The following ACTN4 variants were observed in gnomAD, a reference collection of about 807,000 sequenced individuals.
ACTN4 encodes the protein alpha-actinin-4.
Under a neutral mutation model 114.2 loss-of-function variants are expected in ACTN4, and 18 were observed. The ratio of observed to expected loss-of-function variants is 0.16; its 90% CI spans 0.11 to 0.23. The LOEUF is 0.23. ACTN4 is among the 10% of genes least tolerant of loss of function. The probability of loss-of-function intolerance (pLI) is 1.00; values close to 1 mark genes in which losing one functional copy is unlikely to be tolerated. For synonymous variants in ACTN4, 515 were observed against 506.3 expected (o/e 1.02, Z -0.23); for missense variants, 722 against 1,262.9 (o/e 0.57, Z 6.49).
intron 1 of ACTN4, among the ~76,000 whole-genome samples, chr19:38,665,165 C>G (rs1483572289): frequency 6.6e-6 from 1 of 152,166 alleles, no homozygotes; most frequent in East Asian, 1.9e-4. Flanking sequence ...ATCCCCCACT[C>G]CCCACTGCCC....
At chr19:38,658,313 ACTT>A (rs1172534497) in intron 1 of ACTN4, among the ~76,000 whole-genome samples, 1 of 152,144 alleles carries the variant, frequency 6.6e-6, no homozygotes, top group African/African-American at 2.4e-5. Context: ...CAGCTATGTG[ACTT>A]CTTAATAATA....
rs534944781 is a variant in ACTN4, at chr19:38,720,360, A to T, written c.1292-1178A>T. Among the ~76,000 whole-genome samples, 5 of 152,332 alleles carry T rather than the reference A, an allele frequency of 3.3e-5. No homozygotes were observed. The East Asian group carries it at 9.7e-4, about 29-fold the overall frequency. ...CACATCCTCTCGGTGCACCCTTGCC[A>T]GGACTCTGCGGAGGCAGAGGGAGAT... On this transcript the variant is annotated intron_variant, in intron 11 of 20. Transcript: ENST00000252699.
intron 1 of ACTN4, among the ~76,000 whole-genome samples, chr19:38,674,101 AG>A (rs1436600737): frequency 1.3e-5 from 2 of 152,142 alleles, no homozygotes; most frequent in African/African-American, 2.4e-5. Flanking sequence ...ATGAAGGAAA[AG>A]ACCAGAGTCC....
At chr19:38,689,569 C>G (rs1967856222) in intron 1 of ACTN4, among the ~76,000 whole-genome samples, 1 of 152,232 alleles carries the variant, frequency 6.6e-6, no homozygotes, top group South Asian at 2.1e-4. Flanking sequence ...GCTGTCATAG[C>G]TCACTGTAGC....
Position 38,730,260 on chromosome 19 carries a change from C to T in ACTN4, c.*828C>T, listed in dbSNP as rs1969473658. The T allele has an allele frequency of 6.3e-6, 1 of 158,594 alleles. No homozygotes were observed. The highest frequency in any genetic ancestry group is 1.7e-4 in the South Asian group (1 of 5,744). 9.8% of individuals were successfully genotyped at this position (158,594 alleles called of 1,614,324 possible). On this transcript the variant is annotated 3_prime_UTR_variant, in exon 21 of 21. Coordinates refer to ENST00000252699, the MANE Select transcript of ACTN4 (RefSeq NM_004924.6). ...AATATATATTCACCTAGCAACATAT[C>T]TCTGCCGTCTCTCCTGCTCTCATAA...
At chr19:38,655,787 G>A (rs1976695269) in intron 1 of ACTN4, among the ~76,000 whole-genome samples, 1 of 152,158 alleles carries the variant, frequency 6.6e-6, no homozygotes, top group African/African-American at 2.4e-5. Context: ...AGATGCTCAA[G>A]TTCCTTATGT....
intron 1 of ACTN4, among the ~76,000 whole-genome samples, chr19:38,687,161 T>C (rs1967773214): frequency 6.6e-6 from 1 of 151,872 alleles, no homozygotes; most frequent in South Asian, 2.1e-4. Flanking sequence ...AGACGGCTGG[T>C]CTCTACTAAT....
intron 1 of ACTN4, among the ~76,000 whole-genome samples, chr19:38,676,435 G>A (rs1967376307): frequency 6.6e-6 from 1 of 152,226 alleles, no homozygotes; most frequent in African/African-American, 2.4e-5. Flanking sequence ...AGGAATATGA[G>A]CCAGTAGAGA....
chr19:38,662,158 C>T (rs1355665378), intron 1 of ACTN4, among the ~76,000 whole-genome samples: 1 of 152,150 alleles, frequency 6.6e-6, no homozygotes, highest in Non-Finnish European at 1.5e-5. Context: ...AGGAATATGA[C>T]AGGTTTCAGT....
intron 1 of ACTN4, among the ~76,000 whole-genome samples, chr19:38,651,722 GT>G (rs369180927): frequency 0.014 from 2,154 of 151,246 alleles, 58 homozygotes; most frequent in African/African-American, 0.048. Flanking sequence ...TTTTGTATTT[GT>G]TTTTTTTGTT....
At chr19:38,691,827 C>T (rs1384283526) in intron 1 of ACTN4, among the ~76,000 whole-genome samples, 8 of 152,100 alleles carry the variant, frequency 5.3e-5, no homozygotes, top group Non-Finnish European at 1.0e-4. Context: ...CACTTGAACC[C>T]GGGAGGTGGA....
chr19:38,711,187 C>T (rs886245453), intron 8 of ACTN4: 6 of 577,140 alleles, frequency 1.0e-5, no homozygotes, highest in Admixed American at 1.3e-4. Context: ...GCTCTTCCTC[C>T]TGCATGAGCC....
intron 1 of ACTN4, among the ~76,000 whole-genome samples, chr19:38,649,365 G>T (rs866566605): frequency 7.0e-6 from 1 of 143,762 alleles, no homozygotes; most frequent in African/African-American, 2.6e-5. Flanking sequence ...GGTGTGTGTG[G>T]GGGGAAGGGG....
chr19:38,713,574 C>T (rs1036851438), intron 8 of ACTN4, among the ~76,000 whole-genome samples: 1 of 152,122 alleles, frequency 6.6e-6, no homozygotes, highest in African/African-American at 2.4e-5. Flanking sequence ...TGCGCTCACA[C>T]GAGCACCGGC....
chr19:38,728,432 C>CTCCTCG (rs1969330281), intron 19 of ACTN4: 1 of 1,047,690 alleles, frequency 9.5e-7, no homozygotes, highest in Non-Finnish European at 1.3e-6. Context: ...CCTCCTCCTC[C>CTCCTCG]TCCTCCTCCT....
rs575195161 is a variant in ACTN4, at chr19:38,714,622, G to A, written c.912+61G>A. 1.3e-4 allele frequency: 196 copies of A among 1,538,886 alleles called. No individual in the cohort carries two copies. In the African/African-American group the frequency reaches 2.4e-3, roughly 19 times the overall value. ...ATTATCCTCAGCCAGAGGTCACTGT[G>A]ACTCTTGCAGGGGGAAAGCAGGTGT... On this transcript the variant is annotated intron_variant, in intron 9 of 20. Coordinates refer to ENST00000252699, the MANE Select transcript of ACTN4 (RefSeq NM_004924.6).
At chr19:38,689,335 G>A (rs561230964) in intron 1 of ACTN4, among the ~76,000 whole-genome samples, 3 of 152,124 alleles carry the variant, frequency 2.0e-5, no homozygotes, top group Non-Finnish European at 4.4e-5. Flanking sequence ...ATACCATATG[G>A]TTCCACTTAT....
chr19:38,724,348 G>A lies in ACTN4; in HGVS notation c.1875+9G>A, dbSNP rs1969156958. The A allele has an allele frequency of 1.2e-6, 2 of 1,613,168 alleles. No homozygotes were observed. On this transcript the variant is annotated intron_variant, in intron 15 of 20. Transcript: ENST00000252699. The surrounding 1 kb of genome is among the most constrained non-coding windows in gnomAD (Gnocchi z 7.0). ...ACTCCAAGTGGGAGAAGGTGGGCCG[G>A]GGCCATCCGTAGGGGCTGGGGCAGG... is the stretch of plus-strand genomic sequence containing the variant.
At position 38,730,873 on chromosome 19, in the gene ACTN4, C is replaced by T. The variant is rs1049635746; in HGVS notation, c.*1441C>T. 2.0e-5 allele frequency: 31 copies of T among 1,551,596 alleles called. 1 individual carries two copies. In the Middle Eastern group the frequency reaches 1.5e-3, roughly 75 times the overall value. Reference sequence around the variant, plus strand: ...GATCCTAGGAGAAGGTGGCCACCTCCATCCACTAAGGAAGAGAAGGAAGAC... The same window carrying T: ...GATCCTAGGAGAAGGTGGCCACCTCTATCCACTAAGGAAGAGAAGGAAGAC... On this transcript the variant is annotated 3_prime_UTR_variant, in exon 21 of 21. Transcript: ENST00000252699.
Sources: allele counts gnomAD v4.1 joint callset (sites outside exome capture counted in the v4.1 genomes callset), GRCh38; gene constraint gnomAD v4.1.1; non-coding constraint Gnocchi (gnomAD v3.1); transcripts MANE v1.5; gene names NCBI Gene and HGNC (gene_info 2026-07-23, HGNC 2026-07-21).